The following EPHB2 variants were observed in gnomAD, a reference collection of about 807,000 sequenced individuals.
The protein encoded by EPHB2 is ephrin type-B receptor 2.
Under a neutral mutation model 96.4 loss-of-function variants are expected in EPHB2, and 18 were observed. The observed-to-expected ratio is 0.19, with a 90% CI of 0.13 to 0.28. The LOEUF (loss-of-function observed/expected upper bound fraction) is 0.28, where lower values mean the gene tolerates loss of function less well. Among genes scored for constraint, EPHB2 ranks in the 10% least tolerant of loss-of-function variants. The pLI, the probability that EPHB2 is intolerant of heterozygous loss-of-function variation, is 1.00. For missense variants in EPHB2, 989 were observed against 1,355.4 expected, an observed-to-expected ratio of 0.73 and a Z score of 4.25; for synonymous variants, 506 against 534.1, an observed-to-expected ratio of 0.95 and a Z score of 0.72.
chr1:22,884,918 T>A (rs989661982), intron 6 of EPHB2, among the ~76,000 whole-genome samples: 1 of 152,220 alleles, frequency 6.6e-6, no homozygotes, highest in Non-Finnish European at 1.5e-5. Flanking sequence ...ATTTACTACC[T>A]CTACATTGAG....
At chr1:22,754,636 T>C (rs1317058425) in intron 1 of EPHB2, among the ~76,000 whole-genome samples, 2 of 150,984 alleles carry the variant, frequency 1.3e-5, no homozygotes, top group African/African-American at 2.4e-5. Context: ...TACGGGGCCA[T>C]GGAGAGCACA....
chr1:22,893,533 C>T (rs309471), intron 7 of EPHB2, among the ~76,000 whole-genome samples: 63,875 of 151,996 alleles, frequency 0.42, 14,436 homozygotes, highest in Non-Finnish European at 0.51. Flanking sequence ...CTGTGTGCTA[C>T]GTTTCCCACT....
intron 1 of EPHB2, among the ~76,000 whole-genome samples, chr1:22,734,422 CTTT>C (rs66686608): frequency 9.6e-5 from 13 of 135,656 alleles, no homozygotes; most frequent in Admixed American, 1.5e-4. Flanking sequence ...TGTCAATATT[CTTT>C]TTTTTTTTTT....
intron 1 of EPHB2, among the ~76,000 whole-genome samples, chr1:22,775,517 A>G (rs542507067): frequency 1.3e-5 from 2 of 152,374 alleles, no homozygotes; most frequent in Non-Finnish European, 2.9e-5. Context: ...ATAGGGAGCA[A>G]CCACCCGCTC....
intron 8 of EPHB2, among the ~76,000 whole-genome samples, chr1:22,896,027 G>C (rs1639548972): frequency 6.6e-6 from 1 of 152,226 alleles, no homozygotes; most frequent in South Asian, 2.1e-4. Context: ...GCAAGAGGGT[G>C]GGGCCAGTTC....
At position 22,721,783 on chromosome 1, in the gene EPHB2, T is replaced by TC. The variant is rs573894913; in HGVS notation, c.61+10740_61+10741insC. Among the ~76,000 whole-genome samples the TC allele has an allele frequency of 2.0e-4, 30 of 151,634 alleles. No homozygotes were observed. In the South Asian group the frequency reaches 6.0e-3, roughly 31 times the overall value. On this transcript the variant is annotated intron_variant, in intron 1 of 15. Coordinates refer to ENST00000374630, the MANE Select transcript of EPHB2 (RefSeq NM_017449.5). The stretch of plus-strand genomic sequence containing the variant: ...GGCACCTGCCACCGCATCCAGCATT[T>TC]TTTTTTTTTTTGTAGAGACAGAGTC...
intron 1 of EPHB2, among the ~76,000 whole-genome samples, chr1:22,762,130 G>C (rs1644243640): frequency 6.6e-6 from 1 of 152,240 alleles, no homozygotes; most frequent in South Asian, 2.1e-4. Flanking sequence ...ATCACCCGGA[G>C]TCATCTGAGG....
intron 5 of EPHB2, among the ~76,000 whole-genome samples, chr1:22,878,493 C>A (rs556144884): frequency 4.6e-5 from 7 of 152,340 alleles, no homozygotes; most frequent in Non-Finnish European, 8.8e-5. Flanking sequence ...GCCCCAGCAC[C>A]CCGTATCATG....
At chr1:22,881,054 AC>A (rs989702520) in intron 5 of EPHB2, among the ~76,000 whole-genome samples, 7 of 151,788 alleles carry the variant, frequency 4.6e-5, no homozygotes, top group African/African-American at 1.7e-4. Context: ...GGAGGGGATC[AC>A]TTAAGCCCAG....
rs2124151788 is a variant in EPHB2 at position 22,913,561 on chromosome 1, G to A, written c.2952G>A (p.Val984=). The A allele has an allele frequency of 6.2e-7, 1 of 1,614,168 alleles. No homozygotes were observed. The highest frequency in any genetic ancestry group is 8.5e-7 in the Non-Finnish European group (1 of 1,180,032). The change falls in exon 16 of 16, where the codon GTG becomes GTA. Residue 984 remains valine, a synonymous_variant. Coordinates refer to ENST00000374630, the MANE Select transcript of EPHB2 (RefSeq NM_017449.5). The surrounding 1 kb of genome is among the most constrained non-coding windows in gnomAD (Gnocchi z 4.1). ...CGCAGATGAACCAGATTCAGTCTGT[G>A]GAGGTTTGACATTCACCTGCCTCGG... ...MRAQMNQIQS[V]EV
chr1:22,887,511 G>A (rs551946074), intron 6 of EPHB2, among the ~76,000 whole-genome samples: 61 of 152,242 alleles, frequency 4.0e-4, no homozygotes, highest in African/African-American at 1.3e-3. Context: ...CGGGCCCTCC[G>A]TTTGGCCTTC....
intron 3 of EPHB2, among the ~76,000 whole-genome samples, chr1:22,847,030 C>T (rs1477039724): frequency 6.6e-6 from 1 of 152,222 alleles, no homozygotes; most frequent in Non-Finnish European, 1.5e-5. Context: ...AGATGTAATG[C>T]TCCCACACTC....
At chr1:22,768,426 C>G (rs892552443) in intron 1 of EPHB2, among the ~76,000 whole-genome samples, 3 of 152,170 alleles carry the variant, frequency 2.0e-5, no homozygotes, top group African/African-American at 7.2e-5. Flanking sequence ...GTGGCTCACA[C>G]CTGTAATCCC....
chr1:22,886,869 G>T (rs775380200), intron 6 of EPHB2, among the ~76,000 whole-genome samples: 1 of 151,868 alleles, frequency 6.6e-6, no homozygotes, highest in Non-Finnish European at 1.5e-5. Flanking sequence ...CAGGTGATCC[G>T]CCCACCTCAG....
rs59996691 is a variant in EPHB2, at chr1:22,744,671, CAAAAAAAAAAAAAA to C, written c.61+33642_61+33655del. Reference sequence around the variant, plus strand: ...TGGGCGACAGAGTGAGACATTGTCTCAAAAAAAAAAAAAAAAAAAAAAAAAAAGGAAAGCATAGG... The same window carrying C: ...TGGGCGACAGAGTGAGACATTGTCTCAAAAAAAAAAAAAGGAAAGCATAGG... On this transcript the variant is annotated intron_variant, in intron 1 of 15. Coordinates refer to ENST00000374630, the MANE Select transcript of EPHB2 (RefSeq NM_017449.5). Among the ~76,000 whole-genome samples, 35 of 57,922 alleles carry C rather than the reference CAAAAAAAAAAAAAA, an allele frequency of 6.0e-4. 2 individuals carry two copies. The Admixed American group carries it at 8.6e-3, about 14-fold the overall frequency. The allele number at this position is 57,922 out of a possible 152,430, so 38.0% of individuals were successfully genotyped here.
At chr1:22,723,222 C>T (rs572397162) in intron 1 of EPHB2, among the ~76,000 whole-genome samples, 11 of 152,360 alleles carry the variant, frequency 7.2e-5, no homozygotes, top group African/African-American at 2.2e-4. Flanking sequence ...GGATGCGTCC[C>T]GCCTGAATGG....
chr1:22,769,277 G>T (rs1359588060), intron 1 of EPHB2, among the ~76,000 whole-genome samples: 1 of 152,244 alleles, frequency 6.6e-6, no homozygotes, highest in Non-Finnish European at 1.5e-5. Flanking sequence ...CAATCCACAG[G>T]TAGAATGTGG....
In EPHB2 at chr1:22,858,477, C is replaced by T. The variant is rs1645739003; in HGVS notation, c.812-4560C>T. ...TGTCATTATTCCATGCAGGGATCATCAGCCCCCTTTCCAGATGAGGAGACT... is the reference window on the plus strand; with the variant it reads ...TGTCATTATTCCATGCAGGGATCATTAGCCCCCTTTCCAGATGAGGAGACT... On this transcript the variant is annotated intron_variant, in intron 3 of 15. Transcript: ENST00000374630. The surrounding 1 kb of genome is among the most constrained non-coding windows in gnomAD (Gnocchi z 7.7). Among the ~76,000 whole-genome samples, 1 of 152,158 alleles carries T rather than the reference C, an allele frequency of 6.6e-6. No individual in the cohort carries two copies. Among genetic ancestry groups the T allele is most frequent in the Non-Finnish European group, 1.5e-5 (1 of 68,026 alleles).
intron 3 of EPHB2, among the ~76,000 whole-genome samples, chr1:22,833,689 A>G (rs1645339965): frequency 6.6e-6 from 1 of 152,218 alleles, no homozygotes; most frequent in African/African-American, 2.4e-5. Context: ...AAAGGAGAAA[A>G]AAGTTTTAAA....
Sources: allele counts gnomAD v4.1 joint callset (sites outside exome capture counted in the v4.1 genomes callset), GRCh38; gene constraint gnomAD v4.1.1; non-coding constraint Gnocchi (gnomAD v3.1); transcripts MANE v1.5; gene names NCBI Gene and HGNC (gene_info 2026-07-23, HGNC 2026-07-21).